The following SLCO6A1 variants were observed in gnomAD, a reference collection of about 807,000 sequenced individuals.
SLCO6A1 encodes solute carrier organic anion transporter family member 6A1, also known as cancer/testis antigen 48.
A neutral mutation model predicts 72.7 loss-of-function variants in SLCO6A1; 65 were observed. The observed-to-expected ratio is 0.89, with a 90% CI of 0.73 to 1.10. SLCO6A1 has a LOEUF of 1.10. Ranked by LOEUF, SLCO6A1 falls within the 50% of genes least tolerant of loss-of-function variation. The probability of loss-of-function intolerance (pLI) is 0.00; values close to 1 mark genes in which losing one functional copy is unlikely to be tolerated. For missense variants in SLCO6A1, 874 were observed against 872.6 expected (o/e 1.00, Z -0.02); for synonymous variants, 314 against 298.2 (o/e 1.05, Z -0.55).
chr5:102,398,795 C>T (rs1747241010), intron 10 of SLCO6A1, among the ~76,000 whole-genome samples: 1 of 152,000 alleles, frequency 6.6e-6, no homozygotes, highest in African/African-American at 2.4e-5. Flanking sequence ...TTTCACTGCT[C>T]ACTTTTCCTG....
At chr5:102,481,860 C>A (rs1875633) in intron 1 of SLCO6A1, among the ~76,000 whole-genome samples, 3,583 of 152,020 alleles carry the variant, frequency 0.024, 142 homozygotes, top group African/African-American at 0.082. Flanking sequence ...ACTTAAAAAC[C>A]AAATTGCAAA....
At chr5:102,485,389 T>C (rs1752404726) in intron 1 of SLCO6A1, among the ~76,000 whole-genome samples, 1 of 152,132 alleles carries the variant, frequency 6.6e-6, no homozygotes, top group Non-Finnish European at 1.5e-5. Context: ...AATAACAATG[T>C]TTTTATATGG....
intron 9 of SLCO6A1, among the ~76,000 whole-genome samples, chr5:102,406,286 C>G (rs960588276): frequency 6.6e-6 from 1 of 151,838 alleles, no homozygotes; most frequent in African/African-American, 2.4e-5. Context: ...ATAAAATACA[C>G]CATAAAAATA....
At chr5:102,456,180 C>A (rs543077202) in intron 6 of SLCO6A1, among the ~76,000 whole-genome samples, 1 of 152,266 alleles carries the variant, frequency 6.6e-6, no homozygotes, top group East Asian at 1.9e-4. Context: ...GAAGCAGTCC[C>A]TTTGAAAACT....
rs573026669 is a variant in SLCO6A1 at position 102,390,492 on chromosome 5, G to A, written c.1879+489C>T. ...TCTAAAATGGTCATAATGTGCATTT[G>A]AAATCTAGTTTTTGCTATTTAAGAA... On this transcript the variant is annotated intron_variant, in intron 11 of 13. Coordinates refer to ENST00000506729, the MANE Select transcript of SLCO6A1 (RefSeq NM_173488.5). Among the ~76,000 whole-genome samples, 76 of 152,180 alleles carry A rather than the reference G, an allele frequency of 5.0e-4. 1 individual carries two copies. The South Asian group carries it at 0.016, about 31-fold the overall frequency.
chr5:102,497,965 C>A (rs537879591), intron 1 of SLCO6A1, among the ~76,000 whole-genome samples: 3 of 152,022 alleles, frequency 2.0e-5, no homozygotes, highest in Non-Finnish European at 2.9e-5. Flanking sequence ...TTTTGCAGAC[C>A]CTTCACTGGA....
chr5:102,419,383 C>A (rs1748462262), intron 8 of SLCO6A1, among the ~76,000 whole-genome samples: 1 of 152,118 alleles, frequency 6.6e-6, no homozygotes, highest in African/African-American at 2.4e-5. Flanking sequence ...TTGCCCAATT[C>A]TTCGAATTTT....
intron 5 of SLCO6A1, among the ~76,000 whole-genome samples, chr5:102,458,900 G>A (rs1490049513): frequency 6.6e-6 from 1 of 152,100 alleles, no homozygotes; most frequent in Non-Finnish European, 1.5e-5. Flanking sequence ...CTATAATCAG[G>A]AGAGTTATTT....
intron 1 of SLCO6A1, among the ~76,000 whole-genome samples, chr5:102,480,900 C>T (rs1258040310): frequency 1.3e-5 from 2 of 152,114 alleles, no homozygotes; most frequent in Non-Finnish European, 2.9e-5. Context: ...TAAAGTTTAC[C>T]AGTTTTTAGC....
chr5:102,404,022 C>G (rs978227721), intron 9 of SLCO6A1, among the ~76,000 whole-genome samples: 1 of 152,164 alleles, frequency 6.6e-6, no homozygotes, highest in African/African-American at 2.4e-5. Context: ...ACATACATCA[C>G]CATTTACATA....
chr5:102,462,985 A>G (rs895990695), intron 4 of SLCO6A1, among the ~76,000 whole-genome samples: 2 of 152,220 alleles, frequency 1.3e-5, no homozygotes, highest in Admixed American at 1.3e-4. Context: ...GAAAACAGAC[A>G]ACCCACAGTG....
intron 1 of SLCO6A1, among the ~76,000 whole-genome samples, chr5:102,496,926 TG>T (rs1338471897): frequency 1.3e-5 from 2 of 152,224 alleles, no homozygotes; most frequent in African/African-American, 2.4e-5. Flanking sequence ...CTTTCAAAAC[TG>T]TACCTACTAT....
intron 4 of SLCO6A1, among the ~76,000 whole-genome samples, chr5:102,469,289 C>T (rs542433154): frequency 6.6e-6 from 1 of 152,252 alleles, no homozygotes; most frequent in East Asian, 1.9e-4. Context: ...TCTTCCTATC[C>T]ATGAGCATGG....
chr5:102,461,613 T>C (rs1287274285), intron 4 of SLCO6A1, among the ~76,000 whole-genome samples: 1 of 152,128 alleles, frequency 6.6e-6, no homozygotes, highest in Non-Finnish European at 1.5e-5. Context: ...AGGAAATCTA[T>C]GGATACAGGT....
chr5:102,415,438 A>G (rs1748229517), intron 8 of SLCO6A1, among the ~76,000 whole-genome samples: 1 of 152,136 alleles, frequency 6.6e-6, no homozygotes, highest in Non-Finnish European at 1.5e-5. Flanking sequence ...GACAAAGTTA[A>G]CTGGGATATA....
chr5:102,482,007 T>C (rs946324808), intron 1 of SLCO6A1, among the ~76,000 whole-genome samples: 19 of 152,154 alleles, frequency 1.2e-4, no homozygotes, highest in African/African-American at 4.3e-4. Flanking sequence ...GGAAACAACA[T>C]ATAAAAACTT....
At chr5:102,461,205 C>T (rs550818455) in intron 4 of SLCO6A1, among the ~76,000 whole-genome samples, 166 of 151,774 alleles carry the variant, frequency 1.1e-3, no homozygotes, top group Non-Finnish European at 1.8e-3. Flanking sequence ...AAATATAGAG[C>T]TTCCATTCAC....
intron 1 of SLCO6A1, among the ~76,000 whole-genome samples, chr5:102,484,176 C>T (rs543363940): frequency 7.2e-5 from 11 of 152,156 alleles, no homozygotes; most frequent in South Asian, 2.1e-4. Flanking sequence ...CTCTTTTTGT[C>T]GCTACATGCC....
intron 7 of SLCO6A1, among the ~76,000 whole-genome samples, chr5:102,434,341 T>C (rs6867496): frequency 0.64 from 96,771 of 151,918 alleles, 31,007 homozygotes; most frequent in African/African-American, 0.66. Context: ...ACAAGCATAA[T>C]TACTGCCCAC....
Sources: gnomAD v4.1 joint callset for allele counts (sites outside exome capture counted in the v4.1 genomes callset) on GRCh38, gnomAD v4.1.1 for gene constraint, MANE v1.5 for transcripts, NCBI Gene and HGNC (gene_info 2026-07-23, HGNC 2026-07-21) for gene names.